The following SNTG1 variants were observed in gnomAD, a reference collection of about 807,000 sequenced individuals.
SNTG1 encodes the protein syntrophin gamma 1.
SNTG1 carries 39 observed loss-of-function variants against 74.7 expected under a neutral mutation model. That is an observed-to-expected ratio of 0.52 (90% CI 0.40 to 0.68). The LOEUF is 0.68. Ranked by LOEUF, SNTG1 falls within the 30% of genes least tolerant of loss-of-function variation. The pLI is 0.00. For synonymous variants in SNTG1, 254 were observed against 217.1 expected (o/e 1.17, Z -1.49); for missense variants, 685 against 609.5 (o/e 1.12, Z -1.30).
chr8:50,333,974 G>A (rs1303100185), intron 2 of SNTG1, among the ~76,000 whole-genome samples: 1 of 152,158 alleles, frequency 6.6e-6, no homozygotes, highest in Non-Finnish European at 1.5e-5. Flanking sequence ...AAAAGACACT[G>A]CAGCCTCTGC....
intron 5 of SNTG1, among the ~76,000 whole-genome samples, chr8:50,440,204 C>CA (rs1385707126): frequency 1.4e-4 from 21 of 151,728 alleles, no homozygotes; most frequent in African/African-American, 5.1e-4. Context: ...TTAGAGTTAA[C>CA]AAAAAAGAAC....
intron 2 of SNTG1, among the ~76,000 whole-genome samples, chr8:50,270,154 A>C (rs1160506270): frequency 2.6e-5 from 4 of 152,174 alleles, no homozygotes; most frequent in Non-Finnish European, 5.9e-5. Flanking sequence ...TTCCAAAGCA[A>C]GAGCTATAAT....
At chr8:50,024,608 T>C (rs541437720) in intron 1 of SNTG1, among the ~76,000 whole-genome samples, 1 of 152,286 alleles carries the variant, frequency 6.6e-6, no homozygotes, top group Non-Finnish European at 1.5e-5. Flanking sequence ...CTACATGCCA[T>C]ATTTTTCCCT....
intron 1 of SNTG1, among the ~76,000 whole-genome samples, chr8:49,977,848 C>T (rs1183752441): frequency 6.6e-6 from 1 of 152,210 alleles, no homozygotes; most frequent in African/African-American, 2.4e-5. Flanking sequence ...CATGCAGACT[C>T]TGTAGTGGAG....
chr8:50,561,934 A>G (rs2094490650), intron 12 of SNTG1, among the ~76,000 whole-genome samples: 1 of 152,116 alleles, frequency 6.6e-6, no homozygotes, highest in Admixed American at 6.5e-5. Context: ...AGCTTTCCTC[A>G]CTGTCATTCC....
chr8:50,322,907 G>A (rs1785293511), intron 2 of SNTG1, among the ~76,000 whole-genome samples: 1 of 151,820 alleles, frequency 6.6e-6, no homozygotes, highest in African/African-American at 2.4e-5. Context: ...CCTGAGGTCA[G>A]GAGTTTGAGA....
chr8:50,050,000 T>A (rs868536900), intron 1 of SNTG1, among the ~76,000 whole-genome samples: 1 of 151,798 alleles, frequency 6.6e-6, no homozygotes, highest in African/African-American at 2.4e-5. Context: ...GTATATATTA[T>A]AAAATAAATA....
At chr8:50,768,272 C>G (rs2095618738) in intron 18 of SNTG1, among the ~76,000 whole-genome samples, 3 of 151,978 alleles carry the variant, frequency 2.0e-5, no homozygotes, top group Admixed American at 2.0e-4. Flanking sequence ...CTCTATAAAT[C>G]TTCATTTTCT....
Position 50,794,767 on chromosome 8 carries a change from C to T in SNTG1, c.*1938C>T, listed in dbSNP as rs558430607. The T allele has an allele frequency of 6.6e-6, 1 of 151,996 alleles. No homozygotes were observed. The highest frequency in any genetic ancestry group is 2.1e-4 in the South Asian group (1 of 4,824). The allele number at this position is 151,996 out of a possible 1,614,324, so 9.4% of individuals were successfully genotyped here. ...CCATATTGGGGTTACATGAATGTGT[C>T]CACAATCTGGAAGGCAATATGACAT... is the stretch of plus-strand genomic sequence containing the variant. On this transcript the variant is annotated 3_prime_UTR_variant, in exon 19 of 19. Transcript: ENST00000642720.
intron 2 of SNTG1, among the ~76,000 whole-genome samples, chr8:50,268,948 C>A (rs948045889): frequency 6.6e-6 from 1 of 152,036 alleles, no homozygotes; most frequent in Non-Finnish European, 1.5e-5. Context: ...TGTGAGCCAT[C>A]GCACCCAGCC....
rs1821437246 is a variant in SNTG1 at position 50,072,282 on chromosome 8, T to C, written c.-102-100279T>C. 2.0e-5 allele frequency among the ~76,000 whole-genome samples: 3 copies of C among 152,246 alleles called. No individual in the cohort carries two copies. The South Asian group carries it at 6.2e-4, about 32-fold the overall frequency. On this transcript the variant is annotated intron_variant, in intron 1 of 18. Transcript: ENST00000642720. The stretch of plus-strand genomic sequence containing the variant: ...TTGTTTATTATTAAATGAGAATACA[T>C]ATGAATGACTTAACATAGTGCTGAG...
At chr8:50,687,167 A>G (rs2095356264) in intron 15 of SNTG1, among the ~76,000 whole-genome samples, 1 of 151,770 alleles carries the variant, frequency 6.6e-6, no homozygotes, top group South Asian at 2.1e-4. Flanking sequence ...AATAAACATG[A>G]AAACAATTCA....
At chr8:50,102,214 G>A (rs1003496520) in intron 1 of SNTG1, among the ~76,000 whole-genome samples, 2 of 145,688 alleles carry the variant, frequency 1.4e-5, no homozygotes, top group African/African-American at 5.1e-5. Context: ...ATCCTCTCCA[G>A]CACCTGTTGT....
chr8:50,004,670 A>C (rs318915), intron 1 of SNTG1, among the ~76,000 whole-genome samples: 124,244 of 152,144 alleles, frequency 0.82, 50,917 homozygotes, highest in East Asian at 0.95. Context: ...TGGCACGTGA[A>C]CCAATGTGGT....
chr8:50,704,506 C>T (rs2095436749), intron 15 of SNTG1, 94 bp from the exon 16 acceptor site: 3 of 1,502,530 alleles, frequency 2.0e-6, no homozygotes, highest in Middle Eastern at 2.2e-4. Flanking sequence ...TGTCTTTTTA[C>T]CTGTGGCTTC....
intron 1 of SNTG1, among the ~76,000 whole-genome samples, chr8:50,103,228 T>G (rs1468812689): frequency 6.6e-6 from 1 of 152,206 alleles, no homozygotes; most frequent in Non-Finnish European, 1.5e-5. Context: ...TATCCTCTTT[T>G]ATTTCATTGA....
intron 9 of SNTG1, among the ~76,000 whole-genome samples, chr8:50,521,228 T>G (rs1323578119): frequency 6.6e-6 from 1 of 151,768 alleles, no homozygotes; most frequent in Non-Finnish European, 1.5e-5. Flanking sequence ...TGAGAACACA[T>G]GGACATAGGG....
chr8:50,510,141 T>A (rs2625744), intron 9 of SNTG1, among the ~76,000 whole-genome samples: 1 of 152,000 alleles, frequency 6.6e-6, no homozygotes, highest in Non-Finnish European at 1.5e-5. Context: ...TTGAATTTTG[T>A]CAAAGGCCTT....
At chr8:50,737,958 A>G (rs1017308026) in intron 17 of SNTG1, among the ~76,000 whole-genome samples, 1 of 152,158 alleles carries the variant, frequency 6.6e-6, no homozygotes, top group Admixed American at 6.6e-5. Context: ...TATCATACTG[A>G]ATGGGCAAAA....
Sources: allele counts gnomAD v4.1 joint callset (sites outside exome capture counted in the v4.1 genomes callset), GRCh38; gene constraint gnomAD v4.1.1; transcripts MANE v1.5; gene names NCBI Gene and HGNC (gene_info 2026-07-23, HGNC 2026-07-21).